The following MAMLD1 variants were observed in gnomAD, a reference collection of about 807,000 sequenced individuals.
MAMLD1 encodes mastermind like domain containing 1.
Under a neutral mutation model 45.0 loss-of-function variants are expected in MAMLD1, and 14 were observed. That is an observed-to-expected ratio of 0.31 (90% CI 0.21 to 0.49). The LOEUF is 0.49. Among genes scored for constraint, MAMLD1 ranks in the 20% least tolerant of loss-of-function variants. The pLI is 0.99. For synonymous variants in MAMLD1, 254 were observed against 247.8 expected, an observed-to-expected ratio of 1.02 and a Z score of -0.24; for missense variants, 543 against 603.6, an observed-to-expected ratio of 0.90 and a Z score of 1.05.
chrX:150,504,177 G>C (rs782145018), intron 6 of MAMLD1: 7 of 752,802 alleles, frequency 9.3e-6, no homozygotes, highest in Non-Finnish European at 1.1e-5. Context: ...GGAATGGCTT[G>C]ACTTGCCCCC....
upstream of MAMLD1, chrX:150,361,664 C>G (rs1385190735): frequency 8.9e-6 from 1 of 112,850 alleles, no homozygotes; most frequent in Non-Finnish European, 1.9e-5. Flanking sequence ...GGGTTGTGCT[C>G]AGCCCCTGCA....
In MAMLD1 at chrX:150,469,754, A is replaced by C; in HGVS notation, c.181A>C (p.Lys61Gln). Residue 61 changes from lysine to glutamine, a missense_variant, in exon 4 of 8, where the codon AAG becomes CAG. Physicochemically the swap from Lys to Gln is moderately conservative, Grantham distance 53. Coordinates refer to ENST00000370401, the MANE Select transcript of MAMLD1 (RefSeq NM_005491.5). ...SPGRKHQGTV[K>Q]RRQEEDHFQF... ...TCTCTTCCATTCACAGGGAACTGTT[A>C]AGAGGAGACAAGAAGAAGACCACTT... is the stretch of plus-strand genomic sequence containing the variant. 2 of 1,207,298 alleles carry C rather than the reference A, an allele frequency of 1.7e-6. No individual in the cohort carries two copies. Among genetic ancestry groups the C allele is most frequent in the Non-Finnish European group, 2.2e-6 (2 of 893,577 alleles).
chrX:150,370,131 C>G (rs782051360), intron 1 of MAMLD1, among the ~76,000 whole-genome samples: 1 of 109,443 alleles, frequency 9.1e-6, no homozygotes, highest in South Asian at 4.0e-4. Flanking sequence ...CCAGATGTCA[C>G]TGGGGAGGGA....
intron 1 of MAMLD1, among the ~76,000 whole-genome samples, chrX:150,385,178 T>C (rs1194338234): frequency 1.8e-5 from 2 of 110,922 alleles, no homozygotes; most frequent in African/African-American, 3.3e-5. Flanking sequence ...GACCATATAT[T>C]ATTTGTCTTC....
intron 6 of MAMLD1, among the ~76,000 whole-genome samples, chrX:150,508,909 C>T (rs940755399): frequency 9.0e-6 from 1 of 111,684 alleles, no homozygotes; most frequent in East Asian, 2.8e-4. Context: ...TGGGGTGAGG[C>T]TTCAAGCACT....
At chrX:150,465,504 G>C (rs1381918019) in intron 3 of MAMLD1, among the ~76,000 whole-genome samples, 1 of 111,846 alleles carries the variant, frequency 8.9e-6, no homozygotes, top group East Asian at 2.8e-4. Context: ...GGATCACATT[G>C]GTGGCTTTGT....
chrX:150,479,220 G>A (rs1557407013), intron 5 of MAMLD1, among the ~76,000 whole-genome samples: 1 of 111,738 alleles, frequency 8.9e-6, no homozygotes, highest in African/African-American at 3.3e-5. Flanking sequence ...TCTATTAAAA[G>A]TTAAAGAATA....
At chrX:150,377,032 C>A (rs1011923474) in intron 1 of MAMLD1, among the ~76,000 whole-genome samples, 1 of 113,030 alleles carries the variant, frequency 8.8e-6, no homozygotes, top group Non-Finnish European at 1.9e-5. Context: ...TGTTGGCCAC[C>A]TATAGCTTAT....
At chrX:150,479,378 AT>A (rs1199592877) in intron 5 of MAMLD1, among the ~76,000 whole-genome samples, 13 of 111,590 alleles carry the variant, frequency 1.2e-4, no homozygotes, top group Non-Finnish European at 2.3e-4. Context: ...AATAGATACA[AT>A]TTTTTTCATT....
chrX:150,368,582 A>T (rs1419298342), intron 1 of MAMLD1, among the ~76,000 whole-genome samples: 1 of 110,642 alleles, frequency 9.0e-6, no homozygotes, highest in Non-Finnish European at 1.9e-5. Flanking sequence ...CCCATTTGTC[A>T]ATTTTGGCTT....
At chrX:150,494,634 A>G (rs1224005912) in intron 5 of MAMLD1, among the ~76,000 whole-genome samples, 4 of 111,289 alleles carry the variant, frequency 3.6e-5, no homozygotes, top group Non-Finnish European at 7.5e-5. Context: ...TAATCCCAGC[A>G]CTTTGGGAGG....
intron 5 of MAMLD1, 96 bp from the exon 6 acceptor site, chrX:150,503,178 C>T: frequency 1.3e-6 from 1 of 779,612 alleles, no homozygotes; most frequent in Admixed American, 2.2e-5. Flanking sequence ...ACCACAACAC[C>T]CAGATGACCC....
At chrX:150,493,218 AAG>A (rs1408624955) in intron 5 of MAMLD1, among the ~76,000 whole-genome samples, 1 of 111,410 alleles carries the variant, frequency 9.0e-6, no homozygotes, top group Admixed American at 9.5e-5. Context: ...AAGTCCCCTG[AAG>A]AGAGTGTGCT....
chrX:150,460,545 A>G lies in MAMLD1; in HGVS notation c.97-2227A>G, dbSNP rs1391587891. ...AGTGCTAATGCAGAAGTAACATACT[A>G]TGGCAGCCTGGCATGGGTCAGATCA... On this transcript the variant is annotated intron_variant, in intron 2 of 7. Coordinates refer to ENST00000370401, the MANE Select transcript of MAMLD1 (RefSeq NM_005491.5). 3.6e-5 allele frequency among the ~76,000 whole-genome samples: 4 copies of G among 111,973 alleles called. No homozygotes were observed. In the East Asian group the frequency reaches 1.1e-3, roughly 31 times the overall value.
intron 5 of MAMLD1, among the ~76,000 whole-genome samples, chrX:150,493,480 C>G (rs1453085302): frequency 8.9e-6 from 1 of 111,834 alleles, no homozygotes; most frequent in South Asian, 3.7e-4. Flanking sequence ...ACCATACATA[C>G]GGAAGAGTAT....
At chrX:150,492,895 G>C (rs1266587445) in intron 5 of MAMLD1, among the ~76,000 whole-genome samples, 1 of 111,639 alleles carries the variant, frequency 9.0e-6, no homozygotes, top group Non-Finnish European at 1.9e-5. Context: ...TTACAAAAGC[G>C]TTAGGGTGGT....
intron 2 of MAMLD1, among the ~76,000 whole-genome samples, chrX:150,458,114 G>C (rs1557405434): frequency 9.0e-6 from 1 of 110,832 alleles, no homozygotes; most frequent in Non-Finnish European, 1.9e-5. Flanking sequence ...ATCTCTGCAG[G>C]CTAAAAGTTG....
At chrX:150,423,688 A>T (rs1557403684) in intron 1 of MAMLD1, among the ~76,000 whole-genome samples, 1 of 110,457 alleles carries the variant, frequency 9.1e-6, no homozygotes, top group Admixed American at 9.7e-5. Flanking sequence ...TGGACACTGG[A>T]ACAGCACCCT....
chrX:150,368,480 G>T (rs1373444966), intron 1 of MAMLD1, among the ~76,000 whole-genome samples: 1 of 110,029 alleles, frequency 9.1e-6, no homozygotes. Flanking sequence ...CAGATGAGTA[G>T]ATTGCAAAAA....
Sources: allele counts gnomAD v4.1 joint callset (sites outside exome capture counted in the v4.1 genomes callset), GRCh38; gene constraint gnomAD v4.1.1; transcripts MANE v1.5; gene names NCBI Gene and HGNC (gene_info 2026-07-23, HGNC 2026-07-21).